RADIL: variants seen among roughly 807,000 people sequenced by gnomAD.
The protein encoded by RADIL is Rap associating with DIL domain.
In RADIL, 99 loss-of-function variants were observed where a neutral mutation model predicts 97.6. That is an observed-to-expected ratio of 1.01 (90% confidence interval 0.86 to 1.20). The LOEUF (loss-of-function observed/expected upper bound fraction) is 1.20. RADIL is among the 50% of genes most tolerant of loss of function. The probability of loss-of-function intolerance (pLI) is 0.00; values close to 1 mark genes in which losing one functional copy is unlikely to be tolerated. For synonymous variants in RADIL, 803 were observed against 691.8 expected, an observed-to-expected ratio of 1.16 and a Z score of -2.52; for missense variants, 1,765 against 1,498.9, an observed-to-expected ratio of 1.18 and a Z score of -2.93.
intron 1 of RADIL, among the ~76,000 whole-genome samples, chr7:4,881,927 G>C (rs918645340): frequency 6.6e-6 from 1 of 152,114 alleles, no homozygotes; most frequent in Admixed American, 6.6e-5. Flanking sequence ...TTGAACTTCA[G>C]AAATGTTGTT....
chr7:4,823,518 G>A (rs1336136852), intron 5 of RADIL, among the ~76,000 whole-genome samples: 1 of 152,062 alleles, frequency 6.6e-6, no homozygotes, highest in Non-Finnish European at 1.5e-5. Flanking sequence ...AACAAAAGCA[G>A]AAGTAGCTCA....
chr7:4,822,390 G>A lies in RADIL; in HGVS notation c.1615+4C>T, dbSNP rs779614765. 31 of 1,608,042 alleles carry A rather than the reference G, an allele frequency of 1.9e-5. No homozygotes were observed. The highest frequency in any genetic ancestry group is 7.7e-5 in the South Asian group (7 of 90,436). On this transcript the variant is annotated splice_donor_region_variant and intron_variant, in intron 6 of 14. Transcript: ENST00000399583. The surrounding 1 kb of genome is among the most constrained non-coding windows in gnomAD (Gnocchi z 5.3). ...GGGGGAATGGAGGGCAGCGCCAGCCGTACCTGTGATGTCCAGCTGCTCCTC... is the reference window on the plus strand; with the variant it reads ...GGGGGAATGGAGGGCAGCGCCAGCCATACCTGTGATGTCCAGCTGCTCCTC...
chr7:4,805,425 G>T, intron 10 of RADIL, 141 bp downstream of exon 10: 1 of 1,092,738 alleles, frequency 9.2e-7, no homozygotes, highest in Non-Finnish European at 1.2e-6. Flanking sequence ...GGTCCTCTGG[G>T]TGGAGGCTCC....
intron 2 of RADIL, among the ~76,000 whole-genome samples, chr7:4,868,131 C>T (rs958173363): frequency 2.0e-5 from 3 of 152,018 alleles, no homozygotes; most frequent in South Asian, 2.1e-4. Context: ...GGCATGATCT[C>T]GGCTCACTGC....
chr7:4,855,594 G>C (rs955165838), intron 2 of RADIL, among the ~76,000 whole-genome samples: 1 of 114,228 alleles, frequency 8.8e-6, no homozygotes, highest in Admixed American at 1.3e-4. Context: ...ACCATACCTA[G>C]ACACTGTTAG....
At position 4,803,665 on chromosome 7, in the gene RADIL, C is replaced by G. The variant is rs867779068; in HGVS notation, c.2380G>C (p.Asp794His). 6.4e-7 allele frequency: 1 copy of G among 1,552,936 alleles called. No individual in the cohort carries two copies. The highest frequency in any genetic ancestry group is 2.4e-5 in the East Asian group (1 of 41,094). The change falls in exon 11 of 15, where the codon GAC (aspartate) becomes CAC (histidine). Residue 794 changes from aspartate to histidine, a missense_variant. Physicochemically the swap from Asp to His is moderately conservative, Grantham distance 81. Transcript: ENST00000399583. ...QVDLEANCLD[D>H]SIYQHLLYVR... ...TAGAGCAGGTGCTGGTAGATGCTGTCGTCCAGGCAGTTGGCTTCCAAGTCC... is the reference window on the plus strand; with the variant it reads ...TAGAGCAGGTGCTGGTAGATGCTGTGGTCCAGGCAGTTGGCTTCCAAGTCC...
At chr7:4,852,342 C>G (rs1475248207) in intron 2 of RADIL, among the ~76,000 whole-genome samples, 1 of 152,188 alleles carries the variant, frequency 6.6e-6, no homozygotes, top group East Asian at 1.9e-4. Flanking sequence ...CTACCCCAGG[C>G]CTTGGAACGG....
At chr7:4,861,693 T>C (rs1362758973) in intron 2 of RADIL, 1 of 1,581,562 alleles carries the variant, frequency 6.3e-7, no homozygotes, top group African/African-American at 1.4e-5. Context: ...AGCCTCTGGG[T>C]GAGGAGGCAG....
chr7:4,848,697 C>T (rs1283274304), intron 2 of RADIL, among the ~76,000 whole-genome samples: 1 of 152,030 alleles, frequency 6.6e-6, no homozygotes, highest in African/African-American at 2.4e-5. Context: ...AAAAACATGG[C>T]TCTATTGAGA....
chr7:4,838,866 G>A (rs1462354040), intron 2 of RADIL, among the ~76,000 whole-genome samples: 2 of 152,260 alleles, frequency 1.3e-5, no homozygotes, highest in African/African-American at 4.8e-5. Flanking sequence ...AGTGTGGACA[G>A]CAACTGACCA....
In RADIL at chr7:4,816,360, C is replaced by G; in HGVS notation, c.1834G>C (p.Val612Leu). ...APELPEELRR[V>L]VSVYQAALDL... ...AGGGCTGCCTGGTACACAGACACCA[C>G]GCGGCGCAGCTCCTCGGGCAGTTCG... Residue 612 changes from valine (V) to leucine (L), a missense_variant, in exon 8 of 15, where the codon GTG becomes CTG. Physicochemically the swap from Val to Leu is conservative, Grantham distance 32. Coordinates refer to ENST00000399583, the MANE Select transcript of RADIL (RefSeq NM_018059.5). The G allele has an allele frequency of 6.2e-7, 1 of 1,611,380 alleles. No homozygotes were observed. Among genetic ancestry groups the G allele is most frequent in the South Asian group, 1.1e-5 (1 of 90,826 alleles).
rs146259800 is a variant in RADIL at position 4,832,973 on chromosome 7, G to A, written c.1417-795C>T. On this transcript the variant is annotated intron_variant, in intron 4 of 14. Coordinates refer to ENST00000399583, the MANE Select transcript of RADIL (RefSeq NM_018059.5). Reference sequence around the variant, plus strand: ...GAGGCTTCGGATTCCCACAGTGGGTGCAGGGGGAAGAGGTGGACTCAGGCT... The same window carrying A: ...GAGGCTTCGGATTCCCACAGTGGGTACAGGGGGAAGAGGTGGACTCAGGCT... 1.6e-3 allele frequency among the ~76,000 whole-genome samples: 247 copies of A among 152,316 alleles called. 2 individuals carry two copies. The highest frequency in any genetic ancestry group is 5.4e-3 in the African/African-American group (224 of 41,568).
At chr7:4,836,193 T>C (rs1036516781) in intron 3 of RADIL, among the ~76,000 whole-genome samples, 165 bp downstream of exon 3, 12 of 152,346 alleles carry the variant, frequency 7.9e-5, no homozygotes, top group South Asian at 2.1e-4. Context: ...TGACTCCACA[T>C]GTGCCCCCGC....
chr7:4,829,701 G>A (rs543113467), intron 5 of RADIL, among the ~76,000 whole-genome samples: 11 of 152,020 alleles, frequency 7.2e-5, no homozygotes, highest in Admixed American at 2.0e-4. Context: ...CTGTTCTCCC[G>A]ATAGTGAATG....
intron 5 of RADIL, among the ~76,000 whole-genome samples, chr7:4,828,128 G>C (rs1309735706): frequency 6.6e-6 from 1 of 152,144 alleles, no homozygotes; most frequent in Non-Finnish European, 1.5e-5. Flanking sequence ...AATTAGTACA[G>C]CCTTTACAGA....
chr7:4,870,643 C>G lies in RADIL; in HGVS notation c.535+6962G>C, dbSNP rs908755212. The stretch of plus-strand genomic sequence containing the variant: ...ATTTTTAGTAGAGACGGGATTTCAC[C>G]ATGTTGGCCAGGCTGGTCTGGAACT... On this transcript the variant is annotated intron_variant, in intron 2 of 14. Transcript: ENST00000399583. Among the ~76,000 whole-genome samples, 3 of 152,108 alleles carry G rather than the reference C, an allele frequency of 2.0e-5. No homozygotes were observed. The East Asian group carries it at 5.8e-4, about 29-fold the overall frequency.
rs1164422188 is a variant in RADIL at position 4,837,688 on chromosome 7, CACAT to C, written c.536-1087_536-1084del. ...ACACACATGCACCCACACACATTAACACATACATGCACACAAACATGCGCACAGT... is the reference window on the plus strand; with the variant it reads ...ACACACATGCACCCACACACATTAACACATGCACACAAACATGCGCACAGT... On this transcript the variant is annotated intron_variant, in intron 2 of 14. Transcript: ENST00000399583. The surrounding 1 kb of genome is among the most constrained non-coding windows in gnomAD (Gnocchi z 5.6). The C allele has an allele frequency of 1.1e-5, 4 of 373,990 alleles. No homozygotes were observed. Among genetic ancestry groups the C allele is most frequent in the African/African-American group, 4.4e-5 (2 of 45,196 alleles). 23.2% of individuals were successfully genotyped at this position (373,990 alleles called of 1,614,324 possible). A position where few individuals can be genotyped will look rare whatever the true frequency, so the allele number is the denominator to read the frequency against.
chr7:4,802,176 A>G (rs903726253), intron 11 of RADIL, among the ~76,000 whole-genome samples, 181 bp from the exon 12 acceptor site: 2 of 152,284 alleles, frequency 1.3e-5, no homozygotes, highest in East Asian at 1.9e-4. Context: ...CGCCATCCGG[A>G]GCACAGCCTG....
chr7:4,816,516 G>A (rs771592774), intron 7 of RADIL, 51 bp from the exon 8 acceptor site: 84 of 1,480,432 alleles, frequency 5.7e-5, no homozygotes, highest in Middle Eastern at 4.7e-4. Flanking sequence ...GAGCGCTGGC[G>A]GCCGAACGGG....
Sources: gnomAD v4.1 joint callset for allele counts (sites outside exome capture counted in the v4.1 genomes callset) on GRCh38, gnomAD v4.1.1 for gene constraint, Gnocchi (gnomAD v3.1) non-coding constraint, MANE v1.5 for transcripts, NCBI Gene and HGNC (gene_info 2026-07-23, HGNC 2026-07-21) for gene names.